The following USP20 variants were observed in gnomAD, a reference collection of about 807,000 sequenced individuals.
USP20 encodes ubiquitin carboxyl-terminal hydrolase 20.
In USP20, 80 loss-of-function variants were observed where a neutral mutation model predicts 124.2. The observed-to-expected ratio is 0.64, with a 90% CI of 0.54 to 0.78. USP20 has a LOEUF of 0.78. Among genes scored for constraint, USP20 ranks in the 30% least tolerant of loss-of-function variants. The pLI, the probability that USP20 is intolerant of heterozygous loss-of-function variation, is 0.00. For missense variants in USP20, 1,043 were observed against 1,244.4 expected, an observed-to-expected ratio of 0.84 and a Z score of 2.44; for synonymous variants, 481 against 512.3, an observed-to-expected ratio of 0.94 and a Z score of 0.83.
At chr9:129,876,317 C>A in intron 22 of USP20, 79 bp downstream of exon 22, 2 of 1,224,096 alleles carry the variant, frequency 1.6e-6, no homozygotes, top group South Asian at 1.3e-5. Flanking sequence ...ACAGAAGAAT[C>A]CTGTGCAGTC....
Position 129,869,007 on chromosome 9 carries a change from G to T in USP20, c.1276+5G>T. ...CGTCGTACGTGCTCAAGAAAGGTTC[G>T]GGGGGCACGGGAGGGTGGGTCAGCT... On this transcript the variant is annotated splice_donor_5th_base_variant and intron_variant, in intron 12 of 25. Transcript: ENST00000372429. 2 of 1,598,758 alleles carry T rather than the reference G, an allele frequency of 1.3e-6. No homozygotes were observed. Among genetic ancestry groups the T allele is most frequent in the Non-Finnish European group, 1.7e-6 (2 of 1,171,112 alleles).
At chr9:129,836,796 C>T (rs1287729826) in intron 1 of USP20, among the ~76,000 whole-genome samples, 2 of 152,152 alleles carry the variant, frequency 1.3e-5, no homozygotes, top group African/African-American at 2.4e-5. Flanking sequence ...TTCAGCCAAA[C>T]CCAGATGCAC....
At position 129,875,395 on chromosome 9, in the gene USP20, G is replaced by A. The variant is rs368117192; in HGVS notation, c.2134G>A (p.Val712Met). ...GGAGCCCAGCCTGCTGCGGTTCTAC[G>A]TGTCCCGCGAGTGGCTCAACAAGTT... The part of the protein sequence containing the change: ...MREPSLLRFY[V>M]SREWLNKFNT... Residue 712 changes from valine (V) to methionine (M), a missense_variant, in exon 20 of 26, where the codon GTG becomes ATG. By Grantham distance (21) the Val-to-Met change is conservative (BLOSUM62 1). Coordinates refer to ENST00000372429, the MANE Select transcript of USP20 (RefSeq NM_001110303.4). 3.7e-5 allele frequency: 60 copies of A among 1,613,426 alleles called. No homozygotes were observed. The highest frequency in any genetic ancestry group is 5.0e-5 in the Non-Finnish European group (59 of 1,179,974).
At position 129,875,430 on chromosome 9, in the gene USP20, C is replaced by T. The variant is rs200207618; in HGVS notation, c.2169C>T (p.Phe723=). The T allele has an allele frequency of 1.4e-3, 2,330 of 1,613,732 alleles. 16 individuals are homozygous for T. The highest frequency in any genetic ancestry group is 9.2e-3 in the Middle Eastern group (56 of 6,060). Reference sequence around the variant, plus strand: ...AGTGGCTCAACAAGTTCAACACCTTCGCGGAGCCAGGCCCCATCACCAACC... The same window carrying T: ...AGTGGCTCAACAAGTTCAACACCTTTGCGGAGCCAGGCCCCATCACCAACC... The part of the protein sequence containing the change: ...SREWLNKFNT[F]AEPGPITNQT... Residue 723 remains phenylalanine (F), a synonymous_variant, in exon 20 of 26, where the codon TTC becomes TTT. Transcript: ENST00000372429.
intron 1 of USP20, among the ~76,000 whole-genome samples, chr9:129,836,316 C>G (rs2031832566): frequency 6.6e-6 from 1 of 152,172 alleles, no homozygotes; most frequent in Non-Finnish European, 1.5e-5. Context: ...AGGCCCTGGG[C>G]AAAGCATCAT....
intron 22 of USP20, among the ~76,000 whole-genome samples, chr9:129,877,667 C>T (rs939987552): frequency 1.3e-5 from 2 of 151,960 alleles, no homozygotes; most frequent in African/African-American, 4.8e-5. Context: ...CGCTGCACTC[C>T]CGCCTGGGCA....
intron 9 of USP20, 36 bp from the exon 10 acceptor site, chr9:129,865,267 A>G: frequency 6.2e-7 from 1 of 1,610,082 alleles, no homozygotes; most frequent in Non-Finnish European, 8.5e-7. Context: ...AGCTCAAGGC[A>G]GGCTACCTGG....
intron 17 of USP20, 26 bp downstream of exon 17, chr9:129,873,770 C>CT: frequency 6.2e-7 from 1 of 1,609,020 alleles, no homozygotes. Flanking sequence ...CGGCAGCCTC[C>CT]TCCTCAGCTA....
intron 3 of USP20, among the ~76,000 whole-genome samples, chr9:129,854,312 C>T (rs778006331): frequency 6.6e-6 from 1 of 152,004 alleles, no homozygotes; most frequent in Non-Finnish European, 1.5e-5. Flanking sequence ...ATTTATTGAG[C>T]GTTATTTATA....
At chr9:129,836,184 C>A (rs529458668) in intron 1 of USP20, among the ~76,000 whole-genome samples, 4 of 152,272 alleles carry the variant, frequency 2.6e-5, no homozygotes, top group African/African-American at 7.2e-5. Context: ...TAGGAAATAC[C>A]TAAATGCATA....
rs2032045958 is a variant in USP20 at position 129,839,108 on chromosome 9, G to A, written c.-129+3609G>A. 6.6e-6 allele frequency among the ~76,000 whole-genome samples: 1 copy of A among 152,192 alleles called. No homozygotes were observed. The highest frequency in any genetic ancestry group is 2.4e-5 in the African/African-American group (1 of 41,444). The stretch of plus-strand genomic sequence containing the variant: ...GCTGTTTGTGACATCGTGGAGCTGA[G>A]TGTTCAGAGCATGGGCTTCAGGGCA... On this transcript the variant is annotated intron_variant, in intron 1 of 25. Coordinates refer to ENST00000372429, the MANE Select transcript of USP20 (RefSeq NM_001110303.4). This position sits in a 1 kb window ranked among gnomAD's most constrained non-coding sequence, Gnocchi z 4.5.
rs893900455 is a variant in USP20, at chr9:129,874,812, C to A, written c.1922-17C>A. ...ATCCGCTAGGATCCCTGTGACCCGT[C>A]TGCTCTGCCGCCGCAGGTGGGCACT... On this transcript the variant is annotated splice_polypyrimidine_tract_variant and intron_variant, in intron 18 of 25. Transcript: ENST00000372429. 6.2e-7 allele frequency: 1 copy of A among 1,613,958 alleles called. No homozygotes were observed. Among genetic ancestry groups the A allele is most frequent in the African/African-American group, 1.3e-5 (1 of 74,952 alleles).
At chr9:129,871,110 C>T (rs992974228) in intron 15 of USP20, among the ~76,000 whole-genome samples, 1 of 152,070 alleles carries the variant, frequency 6.6e-6, no homozygotes, top group Non-Finnish European at 1.5e-5. Context: ...CGCAGCCATC[C>T]TCCCCATTCA....
At chr9:129,858,176 C>T in intron 5 of USP20, 64 bp downstream of exon 5, 10 of 1,537,974 alleles carry the variant, frequency 6.5e-6, no homozygotes, top group Non-Finnish European at 9.0e-6. Flanking sequence ...AACCCCAGCT[C>T]CACCTTCCCA....
chr9:129,864,863 G>A (rs1029578816), intron 9 of USP20, among the ~76,000 whole-genome samples: 5 of 150,858 alleles, frequency 3.3e-5, no homozygotes, highest in African/African-American at 1.2e-4. Flanking sequence ...ATGTATTTTT[G>A]TATATGCATC....
Position 129,874,843 on chromosome 9 carries a change from G to A in USP20, c.1936G>A (p.Ala646Thr), listed in dbSNP as rs1166533087. 3.1e-6 allele frequency: 5 copies of A among 1,614,082 alleles called. No individual in the cohort carries two copies. Among genetic ancestry groups the A allele is most frequent in the East Asian group, 2.2e-5 (1 of 44,876 alleles). Reference protein sequence around the residue: ...HGTAGSGHYIAYCQNVINGQW... With the variant: ...HGTAGSGHYITYCQNVINGQW... ...TGCCGCCGCAGGTGGGCACTACATCGCCTACTGCCAGAACGTGATCAATGG... is the reference window on the plus strand; with the variant it reads ...TGCCGCCGCAGGTGGGCACTACATCACCTACTGCCAGAACGTGATCAATGG... The change falls in exon 19 of 26, where the codon GCC (alanine) becomes ACC (threonine). Residue 646 changes from alanine (A) to threonine (T), a missense_variant. Coordinates refer to ENST00000372429, the MANE Select transcript of USP20 (RefSeq NM_001110303.4).
chr9:129,838,291 C>T (rs2031989780), intron 1 of USP20, among the ~76,000 whole-genome samples: 1 of 152,010 alleles, frequency 6.6e-6, no homozygotes, highest in African/African-American at 2.4e-5. Context: ...ATCCGCCCGC[C>T]TCAGCCTCCC....
intron 5 of USP20, 45 bp downstream of exon 5, chr9:129,858,157 TG>T: frequency 6.3e-7 from 1 of 1,599,502 alleles, no homozygotes. Flanking sequence ...TTAGATGGCC[TG>T]GGGTTCAAAC....
rs114086899 is a variant in USP20, at chr9:129,874,162, G to A, written c.1741-414G>A. ...CTGGAGGGTGTAGGCTGGTGTCAGC[G>A]TCGTGGATGGAAGGCACAGAAGGAA... is the stretch of plus-strand genomic sequence containing the variant. On this transcript the variant is annotated intron_variant, in intron 17 of 25. Transcript: ENST00000372429. Among the ~76,000 whole-genome samples the A allele has an allele frequency of 1.9e-3, 292 of 152,218 alleles. 2 individuals carry two copies. The highest frequency in any genetic ancestry group is 6.9e-3 in the African/African-American group (285 of 41,526).
Sources: allele counts gnomAD v4.1 joint callset (sites outside exome capture counted in the v4.1 genomes callset), GRCh38; gene constraint gnomAD v4.1.1; non-coding constraint Gnocchi (gnomAD v3.1); transcripts MANE v1.5; gene names NCBI Gene and HGNC (gene_info 2026-07-23, HGNC 2026-07-21).